The following IPMK variants were observed in gnomAD, a reference collection of about 807,000 sequenced individuals.
IPMK encodes inositol polyphosphate multikinase, also known as inositol 1,3,4,6-tetrakisphosphate 5-kinase.
Under a neutral mutation model 45.8 loss-of-function variants are expected in IPMK, and 17 were observed. The observed-to-expected ratio is 0.37, with a 90% CI of 0.25 to 0.56. IPMK has a LOEUF of 0.56. IPMK is among the 20% of genes least tolerant of loss of function. The pLI is 0.79. For missense variants in IPMK, 399 were observed against 498.0 expected, an observed-to-expected ratio of 0.80 and a Z score of 1.89; for synonymous variants, 180 against 184.3, an observed-to-expected ratio of 0.98 and a Z score of 0.19.
At chr10:58,225,089 A>G (rs1838392797) in intron 3 of IPMK, among the ~76,000 whole-genome samples, 1 of 152,176 alleles carries the variant, frequency 6.6e-6, no homozygotes, top group Admixed American at 6.5e-5. Flanking sequence ...CCACTCTGTT[A>G]TCATATACAC....
At chr10:58,205,435 GA>G (rs1037972068) in intron 4 of IPMK, among the ~76,000 whole-genome samples, 31 of 152,040 alleles carry the variant, frequency 2.0e-4, no homozygotes, top group African/African-American at 7.0e-4. Flanking sequence ...AATCATTAGA[GA>G]AAGGCAAATC....
At chr10:58,251,109 C>T (rs1197450328) in intron 1 of IPMK, among the ~76,000 whole-genome samples, 1 of 152,152 alleles carries the variant, frequency 6.6e-6, no homozygotes, top group East Asian at 1.9e-4. Context: ...TGAAGTCTTT[C>T]TACATTCTGA....
At chr10:58,267,089 T>C (rs896922566) in intron 1 of IPMK, among the ~76,000 whole-genome samples, 1 of 152,226 alleles carries the variant, frequency 6.6e-6, no homozygotes, top group Non-Finnish European at 1.5e-5. Flanking sequence ...GAGAATTTAC[T>C]TCCCCGTCCA....
chr10:58,242,248 G>T (rs1838705644), intron 1 of IPMK, among the ~76,000 whole-genome samples: 1 of 152,074 alleles, frequency 6.6e-6, no homozygotes, highest in Non-Finnish European at 1.5e-5. Flanking sequence ...ACGAGGTAAG[G>T]AGATCGAGAC....
intron 3 of IPMK, among the ~76,000 whole-genome samples, chr10:58,222,643 G>A (rs979963229): frequency 6.6e-6 from 1 of 152,084 alleles, no homozygotes; most frequent in Non-Finnish European, 1.5e-5. Flanking sequence ...CATTTAAGAG[G>A]CTATGGCTAA....
intron 1 of IPMK, among the ~76,000 whole-genome samples, chr10:58,241,506 A>C (rs184537659): frequency 6.6e-6 from 1 of 152,318 alleles, no homozygotes; most frequent in East Asian, 1.9e-4. Flanking sequence ...CAGAATTTCA[A>C]ATCTGTGGTG....
intron 1 of IPMK, among the ~76,000 whole-genome samples, chr10:58,256,668 CA>C (rs1319383490): frequency 6.6e-6 from 1 of 152,142 alleles, no homozygotes; most frequent in African/African-American, 2.4e-5. Context: ...TTTTGCAGTT[CA>C]GGGGGCATCA....
At chr10:58,226,906 GAA>G in intron 3 of IPMK, 135 bp downstream of exon 3, 1 of 564,878 alleles carries the variant, frequency 1.8e-6, no homozygotes, top group East Asian at 3.0e-5. Context: ...TTTAGTGAAA[GAA>G]AGATTAGAAA....
intron 2 of IPMK, among the ~76,000 whole-genome samples, chr10:58,230,312 A>T: frequency 6.6e-6 from 1 of 152,220 alleles, no homozygotes; most frequent in East Asian, 1.9e-4. Flanking sequence ...TTCTCCCGGC[A>T]TGGTGTTTGA....
intron 1 of IPMK, among the ~76,000 whole-genome samples, chr10:58,245,153 T>C (rs1232528221): frequency 1.3e-5 from 2 of 152,102 alleles, no homozygotes; most frequent in African/African-American, 2.4e-5. Flanking sequence ...AAAGACATTA[T>C]GCTAAGTGAA....
chr10:58,249,255 C>G (rs911711277), intron 1 of IPMK, among the ~76,000 whole-genome samples: 1 of 152,132 alleles, frequency 6.6e-6, no homozygotes, highest in Admixed American at 6.6e-5. Context: ...GGGTCTCTCT[C>G]TGTAACACAG....
chr10:58,221,363 A>C (rs1564531802), intron 3 of IPMK, among the ~76,000 whole-genome samples: 1 of 146,614 alleles, frequency 6.8e-6, no homozygotes, highest in Admixed American at 6.9e-5. Flanking sequence ...CAGCTTGCCT[A>C]TTTTTTTTTT....
intron 1 of IPMK, 71 bp from the exon 2 acceptor site, chr10:58,237,885 T>G (rs1838638385): frequency 1.8e-6 from 2 of 1,094,110 alleles, no homozygotes; most frequent in Admixed American, 3.5e-5. Context: ...AATAGATTAG[T>G]TCCTGAAGTG....
intron 2 of IPMK, among the ~76,000 whole-genome samples, chr10:58,234,605 C>G (rs377380236): frequency 6.6e-6 from 1 of 152,168 alleles, no homozygotes; most frequent in Non-Finnish European, 1.5e-5. Flanking sequence ...GGAAAACTGG[C>G]TAGCCATATG....
intron 1 of IPMK, among the ~76,000 whole-genome samples, chr10:58,246,787 A>T (rs1838807724): frequency 6.6e-6 from 1 of 152,090 alleles, no homozygotes; most frequent in African/African-American, 2.4e-5. Context: ...TGGCAACAAA[A>T]GCCAAAATTG....
chr10:58,193,059 G>A lies in IPMK; in HGVS notation c.*3017C>T, dbSNP rs560115059. ...GTAATTTCATAAACAGAATTCTTTC[G>A]TTGTTCTATCGTTTTCTTTCATCCT... On this transcript the variant is annotated 3_prime_UTR_variant, in exon 6 of 6. Transcript: ENST00000373935. 1.6e-4 allele frequency: 25 copies of A among 151,950 alleles called. No homozygotes were observed. Among genetic ancestry groups the A allele is most frequent in the African/African-American group, 5.3e-4 (22 of 41,514 alleles). The allele number at this position is 151,950 out of a possible 1,614,324, so 9.4% of individuals were successfully genotyped here.
At chr10:58,232,367 T>C (rs1164602432) in intron 2 of IPMK, among the ~76,000 whole-genome samples, 3 of 152,034 alleles carry the variant, frequency 2.0e-5, no homozygotes, top group Non-Finnish European at 4.4e-5. Flanking sequence ...CACCCCAAAT[T>C]AACAGAACAT....
At chr10:58,241,947 T>C (rs935993500) in intron 1 of IPMK, among the ~76,000 whole-genome samples, 5 of 151,768 alleles carry the variant, frequency 3.3e-5, no homozygotes, top group Non-Finnish European at 7.4e-5. Context: ...CCTCATTAGA[T>C]TGGTTCAAAT....
At chr10:58,214,470 G>A (rs1384567190) in intron 4 of IPMK, among the ~76,000 whole-genome samples, 2 of 152,136 alleles carry the variant, frequency 1.3e-5, no homozygotes, top group African/African-American at 4.8e-5. Flanking sequence ...AGATTCCTAT[G>A]GGATGTTTAT....
Sources: gnomAD v4.1 joint callset for allele counts (sites outside exome capture counted in the v4.1 genomes callset) on GRCh38, gnomAD v4.1.1 for gene constraint, MANE v1.5 for transcripts, NCBI Gene and HGNC (gene_info 2026-07-23, HGNC 2026-07-21) for gene names.